NOL4L: variants seen among roughly 807,000 people sequenced by gnomAD.
The protein encoded by NOL4L is nucleolar protein 4 like.
A neutral mutation model predicts 64.5 loss-of-function variants in NOL4L; 7 were observed. The ratio of observed to expected loss-of-function variants is 0.11; its 90% CI spans 0.06 to 0.20. The LOEUF (loss-of-function observed/expected upper bound fraction) is 0.20. NOL4L is among the 10% of genes least tolerant of loss of function. The probability of loss-of-function intolerance (pLI) is 1.00; values close to 1 mark genes in which losing one functional copy is unlikely to be tolerated. For missense variants in NOL4L, 680 were observed against 967.1 expected (o/e 0.70, Z 3.94); for synonymous variants, 413 against 401.0 (o/e 1.03, Z -0.36).
intron 1 of NOL4L, among the ~76,000 whole-genome samples, chr20:32,541,153 G>A (rs1292681124): frequency 6.6e-6 from 1 of 152,074 alleles, no homozygotes; most frequent in Non-Finnish European, 1.5e-5. Context: ...GCCCGTGTCA[G>A]CCCCTGTTTA....
chr20:32,545,410 G>A (rs1038126125), intron 1 of NOL4L, among the ~76,000 whole-genome samples: 1 of 152,198 alleles, frequency 6.6e-6, no homozygotes, highest in Non-Finnish European at 1.5e-5. Context: ...TCACACGTGT[G>A]CGATGTCACG....
rs2013106784 is a variant in NOL4L at position 32,453,147 on chromosome 20, G to A, written c.1498-141C>T. On this transcript the variant is annotated intron_variant, in intron 8 of 10. Coordinates refer to ENST00000621426, the MANE Select transcript of NOL4L (RefSeq NM_001256798.2). The surrounding 1 kb of genome is among the most constrained non-coding windows in gnomAD (Gnocchi z 5.6). ...GTCTATGGAGCTGTGTGATCTTTCT[G>A]GGCCTTAGTTCCCTCATTTGCAAAC... The A allele has an allele frequency of 7.1e-7, 1 of 1,417,142 alleles. No homozygotes were observed. The highest frequency in any genetic ancestry group is 1.4e-5 in the African/African-American group (1 of 70,374). The allele number at this position is 1,417,142 out of a possible 1,614,324, so 87.8% of individuals were successfully genotyped here. A position where few individuals can be genotyped will look rare whatever the true frequency, so the allele number is the denominator to read the frequency against.
In NOL4L at chr20:32,488,794, T is replaced by TTCCTTC. The variant is rs1568647934; in HGVS notation, c.700-14053_700-14052insGAAGGA. Among the ~76,000 whole-genome samples the TTCCTTC allele has an allele frequency of 3.2e-3, 154 of 48,720 alleles. 4 individuals are homozygous for TTCCTTC. Among genetic ancestry groups the TTCCTTC allele is most frequent in the East Asian group, 0.016 (27 of 1,672 alleles). 32.0% of individuals were successfully genotyped at this position (48,720 alleles called of 152,430 possible). A position where few individuals can be genotyped will look rare whatever the true frequency, so the allele number is the denominator to read the frequency against. On this transcript the variant is annotated intron_variant, in intron 4 of 10. Transcript: ENST00000621426. Reference sequence around the variant, plus strand: ...TCCTTCCTTCCTTCCTTCCTTCCTTTCTTTCTTTCTTTTTCTTTCTTTCTT... The same window carrying TTCCTTC: ...TCCTTCCTTCCTTCCTTCCTTCCTTTTCCTTCCTTTCTTTCTTTTTCTTTCTTTCTT...
intron 3 of NOL4L, among the ~76,000 whole-genome samples, chr20:32,512,963 ATAAT>A: frequency 6.6e-6 from 1 of 152,118 alleles, no homozygotes; most frequent in East Asian, 2.0e-4. Flanking sequence ...AGGTAGGGAC[ATAAT>A]TTGATAACCA....
rs386393630 is a variant in NOL4L at position 32,447,403 on chromosome 20, CAAAA to C, written c.*189_*192del. On this transcript the variant is annotated 3_prime_UTR_variant, in exon 11 of 11. Transcript: ENST00000621426. ...TCAGAGCACCCGTGTGGTGAGATTC[CAAAA>C]AAAAAAAAAAAAAAAAAAAAAAGTG... 6.6e-3 allele frequency: 994 copies of C among 150,982 alleles called. 2 individuals carry two copies. Among genetic ancestry groups the C allele is most frequent in the East Asian group, 0.052 (177 of 3,426 alleles). 9.4% of individuals were successfully genotyped at this position (150,982 alleles called of 1,614,324 possible).
intron 2 of NOL4L, among the ~76,000 whole-genome samples, chr20:32,526,313 C>CCT (rs1178276652): frequency 6.6e-6 from 1 of 152,154 alleles, no homozygotes; most frequent in Non-Finnish European, 1.5e-5. Flanking sequence ...CTCAGAACTC[C>CCT]CTTCCCACAA....
intron 2 of NOL4L, among the ~76,000 whole-genome samples, chr20:32,526,862 T>C (rs2018151206): frequency 6.6e-6 from 1 of 152,142 alleles, no homozygotes; most frequent in African/African-American, 2.4e-5. Context: ...ACTGGACAAA[T>C]GGTTCAGAGC....
intron 3 of NOL4L, 31 bp downstream of exon 3, chr20:32,520,780 C>A (rs1411262651): frequency 7.1e-7 from 1 of 1,405,996 alleles, no homozygotes; most frequent in Admixed American, 2.0e-5. Context: ...ATGGCCCCCG[C>A]CCTAGCCCTC....
intron 2 of NOL4L, among the ~76,000 whole-genome samples, chr20:32,527,473 A>G (rs2018173753): frequency 6.6e-6 from 1 of 152,126 alleles, no homozygotes; most frequent in Admixed American, 6.5e-5. Flanking sequence ...AGTGAAGCAG[A>G]AACGGGGAAG....
intron 1 of NOL4L, among the ~76,000 whole-genome samples, chr20:32,566,675 C>G (rs1979450222): frequency 6.6e-6 from 1 of 152,182 alleles, no homozygotes; most frequent in African/African-American, 2.4e-5. Context: ...CTACGGGGCT[C>G]TGCTCAAAAT....
At chr20:32,491,421 C>T (rs951925508) in intron 4 of NOL4L, among the ~76,000 whole-genome samples, 1 of 152,244 alleles carries the variant, frequency 6.6e-6, no homozygotes, top group Admixed American at 6.5e-5. Flanking sequence ...GATCCCTCCA[C>T]AGACTGCCGC....
intron 1 of NOL4L, among the ~76,000 whole-genome samples, chr20:32,575,657 C>G (rs1036571308): frequency 6.6e-6 from 1 of 152,150 alleles, no homozygotes; most frequent in Non-Finnish European, 1.5e-5. Flanking sequence ...CCTGGGGACA[C>G]GGCAGCAAAA....
chr20:32,567,976 C>A (rs539407652), intron 1 of NOL4L, among the ~76,000 whole-genome samples: 4 of 151,924 alleles, frequency 2.6e-5, no homozygotes, highest in African/African-American at 9.7e-5. Flanking sequence ...TCATCGTCAC[C>A]ATCATCGTCA....
chr20:32,472,453 G>A (rs548660304), intron 5 of NOL4L, among the ~76,000 whole-genome samples: 6 of 152,198 alleles, frequency 3.9e-5, no homozygotes, highest in Non-Finnish European at 8.8e-5. Context: ...GGGTGCCTCT[G>A]CTTGGGCTGT....
intron 4 of NOL4L, chr20:32,510,332 C>T (rs191771489): frequency 2.8e-4 from 69 of 246,752 alleles, no homozygotes; most frequent in Admixed American, 2.2e-3. Context: ...GAATACGCAG[C>T]TCTGCAGGTT....
intron 1 of NOL4L, among the ~76,000 whole-genome samples, chr20:32,532,025 G>A (rs1020980372): frequency 3.9e-5 from 6 of 152,112 alleles, no homozygotes; most frequent in African/African-American, 9.7e-5. Context: ...AAAGCAAAAC[G>A]TACTGTCCCA....
rs142643585 is a variant in NOL4L at position 32,539,284 on chromosome 20, C to T, written c.322-11371G>A. Among the ~76,000 whole-genome samples, 116 of 152,326 alleles carry T rather than the reference C, an allele frequency of 7.6e-4. No homozygotes were observed. In the East Asian group the frequency reaches 9.1e-3, roughly 12 times the overall value. ...GGGCCAGCTGAGTGAATTCCTCAAT[C>T]GAGCACCCAGGCAAGCAGCTAGTGG... On this transcript the variant is annotated intron_variant, in intron 1 of 10. Transcript: ENST00000621426.
intron 1 of NOL4L, among the ~76,000 whole-genome samples, chr20:32,538,843 G>A (rs1340690745): frequency 6.6e-6 from 1 of 152,226 alleles, no homozygotes; most frequent in East Asian, 1.9e-4. Flanking sequence ...GAGGAGGGCA[G>A]GGGGGCCCGG....
chr20:32,503,776 G>A (rs1469655493), intron 4 of NOL4L, among the ~76,000 whole-genome samples: 3 of 152,170 alleles, frequency 2.0e-5, no homozygotes, highest in Admixed American at 1.3e-4. Context: ...AGACCTCCAA[G>A]GTCTGGAGTG....
Sources: gnomAD v4.1 joint callset for allele counts (sites outside exome capture counted in the v4.1 genomes callset) on GRCh38, gnomAD v4.1.1 for gene constraint, Gnocchi (gnomAD v3.1) non-coding constraint, MANE v1.5 for transcripts, NCBI Gene and HGNC (gene_info 2026-07-23, HGNC 2026-07-21) for gene names.